NBAS: variants seen among roughly 807,000 people sequenced by gnomAD.
The protein encoded by NBAS is NBAS subunit of NRZ tethering complex.
In NBAS, 219 loss-of-function variants were observed where a neutral mutation model predicts 302.5. The observed-to-expected ratio is 0.72, with a 90% CI of 0.65 to 0.81. The LOEUF is 0.81. Ranked by LOEUF, NBAS falls within the 30% of genes least tolerant of loss-of-function variation. The pLI is 0.00. For synonymous variants in NBAS, 1,118 were observed against 1,021.6 expected (o/e 1.09, Z -1.80); for missense variants, 2,932 against 2,841.6 (o/e 1.03, Z -0.72).
the NBAS span, among the ~76,000 whole-genome samples, chr2:15,035,705 T>G: frequency 6.6e-6 from 1 of 152,166 alleles, no homozygotes; most frequent in African/African-American, 2.4e-5. Context: ...TGGATGGAGC[T>G]GGAAGCCATC....
intron 14 of NBAS, among the ~76,000 whole-genome samples, chr2:15,475,367 T>C (rs769369745): frequency 1.3e-5 from 2 of 152,180 alleles, no homozygotes; most frequent in South Asian, 4.1e-4. Context: ...TTTTTGGAAA[T>C]GGGTTAAAGA....
At chr2:15,455,724 C>A (rs973332137) in intron 21 of NBAS, among the ~76,000 whole-genome samples, 3 of 150,732 alleles carry the variant, frequency 2.0e-5, no homozygotes, top group African/African-American at 7.3e-5. Flanking sequence ...GACTGCAGTG[C>A]AGTTAAGAAA....
the NBAS span, among the ~76,000 whole-genome samples, chr2:15,061,860 T>TA: frequency 6.6e-6 from 1 of 152,196 alleles, no homozygotes; most frequent in Non-Finnish European, 1.5e-5. Context: ...CAGGCGAAGA[T>TA]AAGCAAACCT....
chr2:15,445,910 TAA>T (rs70961414), intron 21 of NBAS, among the ~76,000 whole-genome samples: 1 of 148,150 alleles, frequency 6.7e-6, no homozygotes, highest in Admixed American at 6.7e-5. Context: ...TCTCGGAGAT[TAA>T]AAAAAAAATA....
the NBAS span, among the ~76,000 whole-genome samples, chr2:15,149,261 C>T: frequency 2.6e-5 from 4 of 152,288 alleles, no homozygotes; most frequent in Middle Eastern, 3.4e-3. Flanking sequence ...CTTGCCCTTC[C>T]GCTTTCCACC....
the NBAS span, among the ~76,000 whole-genome samples, chr2:14,791,287 G>A: frequency 5.1e-4 from 77 of 152,244 alleles, no homozygotes; most frequent in African/African-American, 1.4e-3. Flanking sequence ...CACCACATCC[G>A]GCCTTCATGC....
the NBAS span, among the ~76,000 whole-genome samples, chr2:14,951,455 G>A: frequency 5.3e-5 from 8 of 152,224 alleles, no homozygotes; most frequent in Non-Finnish European, 7.4e-5. Context: ...AATTACCCAC[G>A]TCTGGATTAT....
the NBAS span, among the ~76,000 whole-genome samples, chr2:15,079,915 C>G: frequency 6.6e-6 from 1 of 152,190 alleles, no homozygotes; most frequent in Non-Finnish European, 1.5e-5. Flanking sequence ...TACAGTAATT[C>G]AAACTTATTT....
chr2:15,313,398 T>A (rs1475579927), intron 38 of NBAS, among the ~76,000 whole-genome samples: 1 of 152,232 alleles, frequency 6.6e-6, no homozygotes, highest in Non-Finnish European at 1.5e-5. Context: ...TATCTTGTTT[T>A]TACACAGGCT....
chr2:14,801,211 A>ATTGGT, the NBAS span, among the ~76,000 whole-genome samples: 199 of 152,052 alleles, frequency 1.3e-3, 1 homozygote, highest in African/African-American at 4.5e-3. Flanking sequence ...GGGGAGGATG[A>ATTGGT]TTGGTTTGGT....
chr2:15,543,376 C>T (rs1014259778), intron 6 of NBAS, among the ~76,000 whole-genome samples: 174 of 152,318 alleles, frequency 1.1e-3, no homozygotes, highest in African/African-American at 4.1e-3. Flanking sequence ...CCCTAAGTAG[C>T]CTCTGAGCCC....
the NBAS span, among the ~76,000 whole-genome samples, chr2:15,014,968 A>G: frequency 2.4e-3 from 363 of 152,086 alleles, 3 homozygotes; most frequent in African/African-American, 8.5e-3. Flanking sequence ...TTGATACCAC[A>G]GAAATAGAAA....
In NBAS at chr2:15,536,533, C is replaced by G; in HGVS notation, c.532G>C (p.Asp178His). The G allele has an allele frequency of 6.2e-7, 1 of 1,609,730 alleles. No homozygotes were observed. The highest frequency in any genetic ancestry group is 8.5e-7 in the Non-Finnish European group (1 of 1,178,348). ...AACCCAGCAATGGCATAGCTTAAGTCACCTATAAAACTAGATGCCTACAGA... is the reference window on the plus strand; with the variant it reads ...AACCCAGCAATGGCATAGCTTAAGTGACCTATAAAACTAGATGCCTACAGA... ...VISPASSFIG[D>H]LSYAIAGLIF... Residue 178 changes from aspartate to histidine, a missense_variant, in exon 8 of 52, where the codon GAC (aspartate) becomes CAC (histidine). Transcript: ENST00000281513.
the NBAS span, among the ~76,000 whole-genome samples, chr2:14,903,378 T>C: frequency 6.7e-6 from 1 of 150,068 alleles, no homozygotes; most frequent in African/African-American, 2.4e-5. Flanking sequence ...CAGAAATTGG[T>C]AAAGCCAAAT....
chr2:15,074,487 C>T, the NBAS span, among the ~76,000 whole-genome samples: 2 of 151,626 alleles, frequency 1.3e-5, no homozygotes, highest in African/African-American at 2.4e-5. Flanking sequence ...TATAATCACA[C>T]AATGAGGAAA....
intron 48 of NBAS, among the ~76,000 whole-genome samples, chr2:15,198,347 C>T (rs558302022): frequency 6.6e-6 from 1 of 152,196 alleles, no homozygotes; most frequent in South Asian, 2.1e-4. Flanking sequence ...TCTTAAGAGA[C>T]ATACGGTTTA....
At chr2:14,822,714 C>G in the NBAS span, among the ~76,000 whole-genome samples, 1 of 152,188 alleles carries the variant, frequency 6.6e-6, no homozygotes, top group South Asian at 2.1e-4. Context: ...ACAAGGTGAG[C>G]AACTTGAATA....
intron 40 of NBAS, among the ~76,000 whole-genome samples, chr2:15,302,937 A>C (rs1670870980): frequency 6.6e-6 from 1 of 152,178 alleles, no homozygotes; most frequent in Non-Finnish European, 1.5e-5. Context: ...ATCAGACTCC[A>C]AGTTCTTCAG....
chr2:15,325,962 G>T (rs1672045391), intron 38 of NBAS, among the ~76,000 whole-genome samples: 1 of 151,924 alleles, frequency 6.6e-6, no homozygotes, highest in Non-Finnish European at 1.5e-5. Context: ...CAATATTGTT[G>T]TGTCTCAGAG....
Sources: gnomAD v4.1 joint callset for allele counts (sites outside exome capture counted in the v4.1 genomes callset) on GRCh38, gnomAD v4.1.1 for gene constraint, MANE v1.5 for transcripts, NCBI Gene and HGNC (gene_info 2026-07-23, HGNC 2026-07-21) for gene names.